Variants in WDR49 observed in about 807,000 individuals in gnomAD.
The protein encoded by WDR49 is cilia- and flagella-associated protein 337.
WDR49 carries 107 observed loss-of-function variants against 119.5 expected under a neutral mutation model. The observed-to-expected ratio is 0.90, with a 90% CI of 0.77 to 1.05. The LOEUF is 1.05. WDR49 is among the 50% of genes least tolerant of loss of function. The pLI is 0.00. For missense variants in WDR49, 1,240 were observed against 1,220.5 expected, an observed-to-expected ratio of 1.02 and a Z score of -0.24; for synonymous variants, 425 against 418.8, an observed-to-expected ratio of 1.01 and a Z score of -0.18.
At chr3:167,649,635 A>G (rs1194498886) in intron 2 of WDR49, among the ~76,000 whole-genome samples, 1 of 152,162 alleles carries the variant, frequency 6.6e-6, no homozygotes, top group Non-Finnish European at 1.5e-5. Flanking sequence ...TTGTGTTTAG[A>G]TCTCATTCAC....
chr3:167,605,667 G>A (rs1351725882), intron 5 of WDR49, among the ~76,000 whole-genome samples: 1 of 152,188 alleles, frequency 6.6e-6, no homozygotes, highest in Admixed American at 6.5e-5. Flanking sequence ...GGGTTTAAGA[G>A]ACATTTGTTG....
intron 7 of WDR49, among the ~76,000 whole-genome samples, chr3:167,589,315 T>G (rs1714986088): frequency 6.6e-6 from 1 of 152,170 alleles, no homozygotes. Flanking sequence ...TTTATGCCAG[T>G]GTCATGACGT....
intron 6 of WDR49, among the ~76,000 whole-genome samples, chr3:167,603,141 A>G (rs1437483399): frequency 6.6e-6 from 1 of 152,164 alleles, no homozygotes; most frequent in African/African-American, 2.4e-5. Flanking sequence ...TTGAACATCA[A>G]TCAGTTATAT....
chr3:167,622,284 C>G (rs1320488956), intron 3 of WDR49, among the ~76,000 whole-genome samples: 1 of 151,942 alleles, frequency 6.6e-6, no homozygotes, highest in Non-Finnish European at 1.5e-5. Context: ...TGTCTGTAAT[C>G]CCACCACTTT....
At chr3:167,485,436 C>G (rs1465615242) in intron 18 of WDR49, among the ~76,000 whole-genome samples, 1 of 151,624 alleles carries the variant, frequency 6.6e-6, no homozygotes, top group Non-Finnish European at 1.5e-5. Flanking sequence ...ACAACTTAGA[C>G]ATAGAATTCA....
At chr3:167,525,743 T>C (rs530762898) in intron 15 of WDR49, among the ~76,000 whole-genome samples, 4 of 152,116 alleles carry the variant, frequency 2.6e-5, no homozygotes, top group South Asian at 2.1e-4. Flanking sequence ...ACTCTAGAAA[T>C]AGACATACCA....
chr3:167,639,002 T>C (rs566085691), intron 2 of WDR49, among the ~76,000 whole-genome samples: 1 of 151,748 alleles, frequency 6.6e-6, no homozygotes, highest in South Asian at 2.1e-4. Context: ...CCCTGAGAAA[T>C]ATAATTGTTC....
At chr3:167,589,407 C>T (rs1313688303) in intron 7 of WDR49, among the ~76,000 whole-genome samples, 2 of 151,914 alleles carry the variant, frequency 1.3e-5, no homozygotes, top group Admixed American at 6.6e-5. Flanking sequence ...TTAGGATAGC[C>T]TTGGCTATTC....
chr3:167,575,960 C>G lies in WDR49; in HGVS notation c.1467G>C (p.Glu489Asp), dbSNP rs557289204. 28 of 1,614,048 alleles carry G rather than the reference C, an allele frequency of 1.7e-5. No homozygotes were observed. The highest frequency in any genetic ancestry group is 2.3e-5 in the Non-Finnish European group (27 of 1,180,026). The change falls in exon 8 of 19, where the codon GAG (glutamate) becomes GAC (aspartate). Residue 489 changes from glutamate to aspartate, a missense_variant. Glu to Asp is a conservative substitution (Grantham distance 45). Coordinates refer to ENST00000682715, the MANE Select transcript of WDR49 (RefSeq NM_001366157.1). ...SEASKRVKSH[E>D]KAVTCVLYNS... ...TGTAAAGAACACAAGTGACTGCTTT[C>G]TCATGGCTTTTCACCCTCTTGCTGG...
At chr3:167,492,692 C>T (rs1328900029) in intron 18 of WDR49, among the ~76,000 whole-genome samples, 1 of 151,958 alleles carries the variant, frequency 6.6e-6, no homozygotes, top group Non-Finnish European at 1.5e-5. Flanking sequence ...AATGTTTACT[C>T]GAATTGCTTA....
chr3:167,532,531 A>AT (rs1336258809), intron 12 of WDR49, among the ~76,000 whole-genome samples: 1 of 152,006 alleles, frequency 6.6e-6, no homozygotes, highest in African/African-American at 2.4e-5. Context: ...ATGAATTTCC[A>AT]TTTTTTTACC....
intron 10 of WDR49, among the ~76,000 whole-genome samples, chr3:167,539,751 G>A (rs760843920): frequency 6.6e-6 from 1 of 152,114 alleles, no homozygotes; most frequent in Non-Finnish European, 1.5e-5. Flanking sequence ...GACTCTCTGA[G>A]TCTCTCATCT....
At chr3:167,600,314 G>T (rs1286656813) in intron 7 of WDR49, among the ~76,000 whole-genome samples, 1 of 151,968 alleles carries the variant, frequency 6.6e-6, no homozygotes, top group Non-Finnish European at 1.5e-5. Context: ...CCCATCTCAG[G>T]CACTACGACT....
chr3:167,517,969 G>C (rs1027277229), intron 16 of WDR49, among the ~76,000 whole-genome samples: 1 of 151,740 alleles, frequency 6.6e-6, no homozygotes, highest in African/African-American at 2.4e-5. Context: ...CCACCTATGA[G>C]TGAGAACATG....
At chr3:167,512,575 C>G (rs181683338) in intron 16 of WDR49, among the ~76,000 whole-genome samples, 70 of 152,222 alleles carry the variant, frequency 4.6e-4, no homozygotes, top group African/African-American at 1.7e-3. Flanking sequence ...ATTGTAACAC[C>G]TCTCCAGAAA....
At chr3:167,480,277 A>T (rs1296731888) in intron 18 of WDR49, among the ~76,000 whole-genome samples, 4 of 150,488 alleles carry the variant, frequency 2.7e-5, no homozygotes, top group Non-Finnish European at 5.9e-5. Flanking sequence ...AAAAAGGAAA[A>T]ATAATAACTA....
chr3:167,528,015 C>G lies in WDR49; in HGVS notation c.2409G>C (p.Glu803Asp). The part of the protein sequence containing the change: ...DGWLKIWNIE[E>D]YCLNSSKNKI... ...TGTTCTTACTGGAGTTAAGACAGTA[C>G]TCCTGAATGAAAAGAAATACCAGAA... The change falls in exon 15 of 19, where the codon GAG (glutamate) becomes GAC (aspartate). Residue 803 changes from glutamate (E) to aspartate (D), a missense_variant and splice_region_variant. By Grantham distance (45) the Glu-to-Asp change is conservative. Coordinates refer to ENST00000682715, the MANE Select transcript of WDR49 (RefSeq NM_001366157.1). 6.2e-7 allele frequency: 1 copy of G among 1,609,470 alleles called. No homozygotes were observed. Among genetic ancestry groups the G allele is most frequent in the Non-Finnish European group, 8.5e-7 (1 of 1,177,258 alleles).
chr3:167,553,391 A>G (rs1165087462), intron 10 of WDR49, among the ~76,000 whole-genome samples: 1 of 152,004 alleles, frequency 6.6e-6, no homozygotes, highest in Non-Finnish European at 1.5e-5. Context: ...GTTCCTTTAA[A>G]CCACTTTTAG....
chr3:167,608,422 G>A (rs1017687279), intron 5 of WDR49, among the ~76,000 whole-genome samples: 2 of 152,184 alleles, frequency 1.3e-5, no homozygotes, highest in African/African-American at 4.8e-5. Context: ...ATAGAAAGAC[G>A]TGTATGCTGC....
Sources: allele counts gnomAD v4.1 joint callset (sites outside exome capture counted in the v4.1 genomes callset), GRCh38; gene constraint gnomAD v4.1.1; transcripts MANE v1.5; gene names NCBI Gene and HGNC (gene_info 2026-07-23, HGNC 2026-07-21).